Variants in GLCE observed in about 807,000 individuals in gnomAD.
GLCE encodes the protein D-glucuronyl C5-epimerase.
Under a neutral mutation model 47.9 loss-of-function variants are expected in GLCE, and 19 were observed. The ratio of observed to expected loss-of-function variants is 0.40; its 90% CI spans 0.28 to 0.58. GLCE has a LOEUF of 0.58. Among genes scored for constraint, GLCE ranks in the 20% least tolerant of loss-of-function variants. The pLI is 0.48. For missense variants in GLCE, 556 were observed against 743.3 expected, an observed-to-expected ratio of 0.75 and a Z score of 2.93; for synonymous variants, 245 against 263.4, an observed-to-expected ratio of 0.93 and a Z score of 0.68.
chr15:69,240,136 A>T (rs1434736592), intron 2 of GLCE, among the ~76,000 whole-genome samples: 1 of 152,162 alleles, frequency 6.6e-6, no homozygotes, highest in African/African-American at 2.4e-5. Flanking sequence ...TCATAAAAAG[A>T]GAGACAGTTG....
At chr15:69,229,698 C>A (rs1229234360) in intron 2 of GLCE, among the ~76,000 whole-genome samples, 3 of 150,010 alleles carry the variant, frequency 2.0e-5, no homozygotes, top group Non-Finnish European at 3.0e-5. Flanking sequence ...AAATTACTTA[C>A]CCAACAATGA....
At chr15:69,179,159 G>A (rs920874741) in intron 1 of GLCE, among the ~76,000 whole-genome samples, 1 of 152,200 alleles carries the variant, frequency 6.6e-6, no homozygotes, top group Non-Finnish European at 1.5e-5. Context: ...TCCTTCTGAA[G>A]AGGGACTAAA....
Position 69,231,050 on chromosome 15 carries a change from A to G in GLCE, c.-14+20644A>G, listed in dbSNP as rs187518370. On this transcript the variant is annotated intron_variant, in intron 2 of 4. Coordinates refer to ENST00000261858, the MANE Select transcript of GLCE (RefSeq NM_015554.3). Reference sequence around the variant, plus strand: ...GTAGATAAAACCACTTTTTTGGTTTATTGAAACAAGACCATGAAAGTAAAG... The same window carrying G: ...GTAGATAAAACCACTTTTTTGGTTTGTTGAAACAAGACCATGAAAGTAAAG... Among the ~76,000 whole-genome samples the G allele has an allele frequency of 6.4e-3, 981 of 152,232 alleles. 2 individuals carry two copies. The highest frequency in any genetic ancestry group is 0.037 in the Middle Eastern group (11 of 294).
At chr15:69,215,003 T>C (rs1322131419) in intron 2 of GLCE, among the ~76,000 whole-genome samples, 1 of 152,192 alleles carries the variant, frequency 6.6e-6, no homozygotes, top group African/African-American at 2.4e-5. Context: ...TACTGTGCCA[T>C]TTCATTTGTA....
At chr15:69,198,373 C>T (rs375771148) in intron 1 of GLCE, among the ~76,000 whole-genome samples, 23 of 152,256 alleles carry the variant, frequency 1.5e-4, no homozygotes, top group African/African-American at 5.1e-4. Context: ...TATTATATTG[C>T]AGTGAGTCAG....
chr15:69,168,165 A>G (rs1264096146), intron 1 of GLCE, among the ~76,000 whole-genome samples: 2 of 152,114 alleles, frequency 1.3e-5, no homozygotes, highest in Non-Finnish European at 2.9e-5. Context: ...GGACACGGTG[A>G]TGCATGCCTG....
intron 1 of GLCE, among the ~76,000 whole-genome samples, chr15:69,161,633 C>G (rs917232905): frequency 2.6e-5 from 4 of 152,138 alleles, no homozygotes; most frequent in African/African-American, 9.7e-5. Flanking sequence ...CGTTTTTGTT[C>G]AGGTCTCCTT....
intron 1 of GLCE, among the ~76,000 whole-genome samples, chr15:69,162,185 T>C (rs180880303): frequency 6.6e-6 from 1 of 152,216 alleles, no homozygotes; most frequent in Non-Finnish European, 1.5e-5. Context: ...CGAGCTTTTT[T>C]AGAGAATTCT....
chr15:69,197,459 A>G (rs181980250), intron 1 of GLCE: 5 of 175,538 alleles, frequency 2.8e-5, no homozygotes, highest in Non-Finnish European at 4.8e-5. Flanking sequence ...GTTTGAGCCT[A>G]GTTATAATAT....
rs371995827 is a variant in GLCE, at chr15:69,162,784, G to T, written c.-105+2027G>T. The stretch of plus-strand genomic sequence containing the variant: ...CAATTAATTAAAGACAAGGTCTTGC[G>T]CTGTTGCCCAGTCTGGTCTTGAACT... On this transcript the variant is annotated intron_variant, in intron 1 of 4. Coordinates refer to ENST00000261858, the MANE Select transcript of GLCE (RefSeq NM_015554.3). Among the ~76,000 whole-genome samples, 14 of 151,952 alleles carry T rather than the reference G, an allele frequency of 9.2e-5. 1 individual carries two copies. Among genetic ancestry groups the T allele is most frequent in the Admixed American group, 7.9e-4 (12 of 15,256 alleles).
intron 1 of GLCE, among the ~76,000 whole-genome samples, chr15:69,199,597 A>C (rs984872912): frequency 6.6e-6 from 1 of 152,194 alleles, no homozygotes; most frequent in Non-Finnish European, 1.5e-5. Flanking sequence ...ATTAGAAATA[A>C]CTTGTCCAAT....
chr15:69,230,098 C>T (rs567292722), intron 2 of GLCE, among the ~76,000 whole-genome samples: 2 of 151,652 alleles, frequency 1.3e-5, no homozygotes, highest in South Asian at 4.2e-4. Flanking sequence ...ATCCCAGCTA[C>T]TCAGGAGGTT....
At chr15:69,188,003 G>A (rs919115566) in intron 1 of GLCE, among the ~76,000 whole-genome samples, 1 of 152,154 alleles carries the variant, frequency 6.6e-6, no homozygotes, top group Non-Finnish European at 1.5e-5. Flanking sequence ...GGCAGAGGTT[G>A]TAGTGATCAG....
chr15:69,248,812 G>A (rs532380788), intron 2 of GLCE, among the ~76,000 whole-genome samples: 1 of 152,074 alleles, frequency 6.6e-6, no homozygotes, highest in East Asian at 1.9e-4. Flanking sequence ...ATGTTGACCA[G>A]GCTGGTCTCA....
rs2051408842 is a variant in GLCE, at chr15:69,160,961, G to A, written c.-105+204G>A. Among the ~76,000 whole-genome samples the A allele has an allele frequency of 6.6e-6, 1 of 151,868 alleles. No individual in the cohort carries two copies. The highest frequency in any genetic ancestry group is 1.5e-5 in the Non-Finnish European group (1 of 67,924). On this transcript the variant is annotated intron_variant, in intron 1 of 4. Coordinates refer to ENST00000261858, the MANE Select transcript of GLCE (RefSeq NM_015554.3). This position sits in a 1 kb window ranked among gnomAD's most constrained non-coding sequence, Gnocchi z 4.2. ...CCGGGCGCGGGCGCCCAAGGGCGGT[G>A]TAGCGGGTGCCGGAGCTCCCGAGGT...
chr15:69,192,197 A>G (rs966240620), intron 1 of GLCE, among the ~76,000 whole-genome samples: 3 of 151,912 alleles, frequency 2.0e-5, no homozygotes, highest in Admixed American at 6.6e-5. Context: ...TTGATTGCCG[A>G]CATTGCTACA....
At chr15:69,177,595 G>T (rs547319527) in intron 1 of GLCE, among the ~76,000 whole-genome samples, 1 of 151,864 alleles carries the variant, frequency 6.6e-6, no homozygotes, top group South Asian at 2.1e-4. Flanking sequence ...ATCTCCAGAA[G>T]TTTCTTCATG....
At chr15:69,176,983 G>A (rs1449820831) in intron 1 of GLCE, among the ~76,000 whole-genome samples, 1 of 151,768 alleles carries the variant, frequency 6.6e-6, no homozygotes, top group Admixed American at 6.6e-5. Context: ...GAAAAAAGAA[G>A]TGGATAATGT....
chr15:69,221,379 A>T (rs1343323404), intron 2 of GLCE, among the ~76,000 whole-genome samples: 1 of 152,146 alleles, frequency 6.6e-6, no homozygotes, highest in South Asian at 2.1e-4. Context: ...ATCCATGAAC[A>T]TGCGATATGT....
Sources: gnomAD v4.1 joint callset for allele counts (sites outside exome capture counted in the v4.1 genomes callset) on GRCh38, gnomAD v4.1.1 for gene constraint, Gnocchi (gnomAD v3.1) non-coding constraint, MANE v1.5 for transcripts, NCBI Gene and HGNC (gene_info 2026-07-23, HGNC 2026-07-21) for gene names.